Variants in PCCA observed in about 807,000 individuals in gnomAD.
PCCA encodes the protein propionyl-CoA carboxylase subunit alpha.
A neutral mutation model predicts 101.3 loss-of-function variants in PCCA; 74 were observed. The observed-to-expected ratio is 0.73, with a 90% CI of 0.61 to 0.89. PCCA has a LOEUF of 0.89. PCCA is among the 40% of genes least tolerant of loss of function. The probability of loss-of-function intolerance (pLI) is 0.00; values close to 1 mark genes in which losing one functional copy is unlikely to be tolerated. For synonymous variants in PCCA, 294 were observed against 313.6 expected (o/e 0.94, Z 0.66); for missense variants, 891 against 907.0 (o/e 0.98, Z 0.23).
intron 19 of PCCA, among the ~76,000 whole-genome samples, chr13:100,385,957 G>A (rs1694975307): frequency 6.6e-6 from 1 of 152,236 alleles, no homozygotes; most frequent in South Asian, 2.1e-4. Flanking sequence ...GCTGGTGGGA[G>A]TATAAATGGA....
intron 10 of PCCA, among the ~76,000 whole-genome samples, chr13:100,267,811 C>T (rs954900591): frequency 1.3e-5 from 2 of 152,132 alleles, no homozygotes; most frequent in Non-Finnish European, 2.9e-5. Context: ...TTTAAAATCA[C>T]TGTTCCATGT....
In PCCA at chr13:100,112,105, G is replaced by A. The variant is rs374163536; in HGVS notation, c.300+44G>A. ...TGTTTAAATCAGGACTTAATTTTGG[G>A]TCAAGCAGAAAAAGTGAGACATACA... On this transcript the variant is annotated intron_variant, in intron 4 of 23. Coordinates refer to ENST00000376285, the MANE Select transcript of PCCA (RefSeq NM_000282.4). The A allele has an allele frequency of 7.6e-6, 11 of 1,443,742 alleles. No homozygotes were observed. In the Admixed American group the frequency reaches 1.9e-4, roughly 24 times the overall value. 89.4% of individuals were successfully genotyped at this position (1,443,742 alleles called of 1,614,324 possible).
At chr13:100,417,702 G>A (rs2152880630) in intron 19 of PCCA, among the ~76,000 whole-genome samples, 1 of 152,086 alleles carries the variant, frequency 6.6e-6, no homozygotes, top group Admixed American at 6.6e-5. Flanking sequence ...TCTCTCCACT[G>A]CCTCCCAGCC....
At position 100,267,047 on chromosome 13, in the gene PCCA, G is replaced by T. The variant is rs187300679; in HGVS notation, c.820-1642G>T. ...GCAAATCATTTTTGTTGAATGCCTA[G>T]TAAGTGCACAGAATTTTTAAAAAAT... On this transcript the variant is annotated intron_variant, in intron 10 of 23. Transcript: ENST00000376285. Among the ~76,000 whole-genome samples the T allele has an allele frequency of 2.6e-5, 4 of 152,228 alleles. No homozygotes were observed. In the South Asian group the frequency reaches 6.2e-4, roughly 24 times the overall value.
intron 19 of PCCA, among the ~76,000 whole-genome samples, chr13:100,396,445 C>T (rs533638912): frequency 1.9e-4 from 29 of 152,180 alleles, no homozygotes; most frequent in Non-Finnish European, 3.5e-4. Flanking sequence ...CTCTAAAACA[C>T]GGATATTTTG....
chr13:100,364,254 A>G (rs2074942222), intron 18 of PCCA, among the ~76,000 whole-genome samples: 1 of 152,176 alleles, frequency 6.6e-6, no homozygotes, highest in Non-Finnish European at 1.5e-5. Context: ...AAGTTCTAAG[A>G]CCTTTTCCTT....
At chr13:100,226,694 A>G (rs1339793080) in intron 7 of PCCA, among the ~76,000 whole-genome samples, 1 of 152,200 alleles carries the variant, frequency 6.6e-6, no homozygotes, top group Non-Finnish European at 1.5e-5. Context: ...ATCTAGGTTC[A>G]GAAGATGAGT....
Position 100,345,717 on chromosome 13 carries a change from A to T in PCCA, c.1643+5458A>T, listed in dbSNP as rs376929579. Reference sequence around the variant, plus strand: ...AAAGAAGATGCCATCTCATACTTTCATAGCTAGAGGGGAAAAGTCAATACC... The same window carrying T: ...AAAGAAGATGCCATCTCATACTTTCTTAGCTAGAGGGGAAAAGTCAATACC... On this transcript the variant is annotated intron_variant, in intron 18 of 23. Coordinates refer to ENST00000376285, the MANE Select transcript of PCCA (RefSeq NM_000282.4). Among the ~76,000 whole-genome samples, 7 of 152,352 alleles carry T rather than the reference A, an allele frequency of 4.6e-5. No individual in the cohort carries two copies. In the East Asian group the frequency reaches 1.2e-3, roughly 25 times the overall value.
At chr13:100,165,378 C>T (rs1264242354) in intron 6 of PCCA, among the ~76,000 whole-genome samples, 3 of 152,186 alleles carry the variant, frequency 2.0e-5, no homozygotes, top group Admixed American at 6.5e-5. Flanking sequence ...TTGTAATGTC[C>T]GCTTTACATA....
intron 8 of PCCA, among the ~76,000 whole-genome samples, chr13:100,241,090 A>G (rs549820415): frequency 2.0e-4 from 31 of 152,316 alleles, no homozygotes; most frequent in Non-Finnish European, 4.0e-4. Flanking sequence ...TTAAAAATTA[A>G]GATAAATTTT....
At chr13:100,383,036 C>T (rs971349814) in intron 19 of PCCA, among the ~76,000 whole-genome samples, 1 of 152,036 alleles carries the variant, frequency 6.6e-6, no homozygotes, top group Non-Finnish European at 1.5e-5. Flanking sequence ...TAAGCCAGAA[C>T]TTGCCTCAAA....
intron 18 of PCCA, among the ~76,000 whole-genome samples, chr13:100,363,123 G>A (rs1017849078): frequency 1.3e-5 from 2 of 151,350 alleles, no homozygotes; most frequent in Non-Finnish European, 2.9e-5. Flanking sequence ...TGAATTTATT[G>A]CACTAGTTAA....
rs540472788 is a variant in PCCA, at chr13:100,103,976, A to G, written c.183+1016A>G. Among the ~76,000 whole-genome samples, 13 of 152,330 alleles carry G rather than the reference A, an allele frequency of 8.5e-5. No homozygotes were observed. The East Asian group carries it at 2.5e-3, about 29-fold the overall frequency. On this transcript the variant is annotated intron_variant, in intron 2 of 23. Transcript: ENST00000376285. ...GATTGAAGGTAATTTTGTGTATTAT[A>G]AATTTCAGGACAAGGGGTTTCTAAT...
chr13:100,479,420 A>G (rs1265110259), intron 21 of PCCA: 1 of 152,228 alleles, frequency 6.6e-6, no homozygotes, highest in Non-Finnish European at 1.5e-5. Context: ...ACTCTCCCAG[A>G]ATGTAACTGC....
chr13:100,294,883 G>A (rs1416891584), intron 12 of PCCA, among the ~76,000 whole-genome samples: 3 of 152,094 alleles, frequency 2.0e-5, no homozygotes, highest in African/African-American at 4.8e-5. Context: ...TTCTAAGCAC[G>A]AAGAATGTAT....
chr13:100,186,146 A>C (rs999764365), intron 6 of PCCA, among the ~76,000 whole-genome samples: 1 of 152,244 alleles, frequency 6.6e-6, no homozygotes. Flanking sequence ...TGAATTAGGC[A>C]ATCAGTGTCT....
intron 4 of PCCA, among the ~76,000 whole-genome samples, chr13:100,138,685 A>G (rs2051469358): frequency 6.6e-6 from 1 of 152,150 alleles, no homozygotes; most frequent in African/African-American, 2.4e-5. Flanking sequence ...CTGTAATCAC[A>G]GCACTTTGGG....
intron 22 of PCCA, among the ~76,000 whole-genome samples, chr13:100,526,227 C>T (rs1004083031): frequency 6.6e-6 from 1 of 152,216 alleles, no homozygotes; most frequent in Non-Finnish European, 1.5e-5. Flanking sequence ...CTCTGCGCTG[C>T]CCCTCCCATC....
chr13:100,441,819 T>C (rs1243564512), intron 20 of PCCA, among the ~76,000 whole-genome samples: 1 of 152,196 alleles, frequency 6.6e-6, no homozygotes, highest in African/African-American at 2.4e-5. Context: ...ATTAGACTCA[T>C]GATAGGCATT....
Sources: allele counts gnomAD v4.1 joint callset (sites outside exome capture counted in the v4.1 genomes callset), GRCh38; gene constraint gnomAD v4.1.1; transcripts MANE v1.5; gene names NCBI Gene and HGNC (gene_info 2026-07-23, HGNC 2026-07-21).